C1orf87: variants seen among roughly 807,000 people sequenced by gnomAD.
C1orf87 encodes chromosome 1 open reading frame 87, also known as uncharacterized protein C1orf87.
C1orf87 carries 58 observed loss-of-function variants against 60.5 expected under a neutral mutation model. The ratio of observed to expected loss-of-function variants is 0.96; its 90% CI spans 0.78 to 1.19. The LOEUF is 1.19. Ranked by LOEUF, C1orf87 falls within the 50% of genes most tolerant of loss-of-function variation. The pLI is 0.00. For synonymous variants in C1orf87, 236 were observed against 227.4 expected, an observed-to-expected ratio of 1.04 and a Z score of -0.34; for missense variants, 673 against 638.6, an observed-to-expected ratio of 1.05 and a Z score of -0.58.
At chr1:60,010,050 T>C (rs1403763015) in intron 9 of C1orf87, among the ~76,000 whole-genome samples, 1 of 150,592 alleles carries the variant, frequency 6.6e-6, no homozygotes, top group African/African-American at 2.4e-5. Context: ...GTGGAATAAA[T>C]ACCTAGCTAT....
Position 60,055,330 on chromosome 1 carries a change from A to C in C1orf87, c.216T>G (p.Thr72=). The C allele has an allele frequency of 6.2e-7, 1 of 1,614,054 alleles. No individual in the cohort carries two copies. Among genetic ancestry groups the C allele is most frequent in the Non-Finnish European group, 8.5e-7 (1 of 1,179,976 alleles). The part of the protein sequence containing the change: ...SRDTPVPINF[T]DQQTTDNPDD... Reference sequence around the variant, plus strand: ...CTGGATTATCAGTGGTTTGCTGATCAGTGAAGTTAATGGGAACTGGGGTGT... The same window carrying C: ...CTGGATTATCAGTGGTTTGCTGATCCGTGAAGTTAATGGGAACTGGGGTGT... Residue 72 remains threonine, a synonymous_variant, in exon 3 of 12, where the codon ACT becomes ACG. Transcript: ENST00000371201.
At chr1:60,038,975 T>A (rs968178021) in intron 5 of C1orf87, among the ~76,000 whole-genome samples, 2 of 152,194 alleles carry the variant, frequency 1.3e-5, no homozygotes, top group African/African-American at 4.8e-5. Flanking sequence ...TGAATATTCA[T>A]ATGGGTTGCA....
chr1:60,042,416 C>G (rs1191893722), intron 3 of C1orf87, among the ~76,000 whole-genome samples: 1 of 152,102 alleles, frequency 6.6e-6, no homozygotes, highest in Non-Finnish European at 1.5e-5. Flanking sequence ...CAGAAGGATT[C>G]TCTATAAACT....
chr1:60,047,429 CT>C (rs1645380505), intron 3 of C1orf87, among the ~76,000 whole-genome samples: 1 of 152,028 alleles, frequency 6.6e-6, no homozygotes, highest in African/African-American at 2.4e-5. Flanking sequence ...GATCCTGAGT[CT>C]TTTTTGACCA....
At chr1:60,032,872 T>C (rs1051430224) in intron 7 of C1orf87, among the ~76,000 whole-genome samples, 5 of 152,184 alleles carry the variant, frequency 3.3e-5, no homozygotes, top group Admixed American at 3.3e-4. Flanking sequence ...GCTTGGCACT[T>C]AGTAAAAGTG....
intron 2 of C1orf87, among the ~76,000 whole-genome samples, chr1:60,062,665 G>A (rs623415): frequency 0.39 from 59,700 of 151,946 alleles, 12,244 homozygotes; most frequent in South Asian, 0.48. Context: ...TTATTGAAAT[G>A]AGGCTGTTCA....
chr1:60,065,908 TA>T (rs148561679), intron 2 of C1orf87, among the ~76,000 whole-genome samples: 1,892 of 152,214 alleles, frequency 0.012, 52 homozygotes, highest in African/African-American at 0.044. Flanking sequence ...ATAAAGCAAA[TA>T]TCACAATAAA....
rs200532977 is a variant in C1orf87 at position 60,035,447 on chromosome 1, T to C, written c.864-1806A>G. ...AGGAGATGAGAGCTGTTGCCACCCC[T>C]ACTGCCACTGGCAATGCTGGAACCT... On this transcript the variant is annotated intron_variant, in intron 6 of 11. Transcript: ENST00000371201. Among the ~76,000 whole-genome samples, 8 of 152,204 alleles carry C rather than the reference T, an allele frequency of 5.3e-5. No individual in the cohort carries two copies. The East Asian group carries it at 1.5e-3, about 29-fold the overall frequency.
At chr1:60,061,375 A>T (rs1371383901) in intron 2 of C1orf87, among the ~76,000 whole-genome samples, 1 of 152,202 alleles carries the variant, frequency 6.6e-6, no homozygotes, top group East Asian at 1.9e-4. Context: ...CTAATCTCTT[A>T]AAAAAATTTC....
At chr1:60,012,322 G>A (rs1324400272) in intron 8 of C1orf87, among the ~76,000 whole-genome samples, 4 of 152,120 alleles carry the variant, frequency 2.6e-5, no homozygotes, top group Non-Finnish European at 4.4e-5. Flanking sequence ...ATGAGATAAC[G>A]CCTCTGGATA....
intron 9 of C1orf87, among the ~76,000 whole-genome samples, chr1:60,009,637 C>T (rs531226819): frequency 3.5e-4 from 52 of 147,736 alleles, no homozygotes; most frequent in Admixed American, 4.8e-4. Context: ...CACACACACA[C>T]GCACACACAC....
intron 3 of C1orf87, among the ~76,000 whole-genome samples, chr1:60,041,352 A>G (rs989158443): frequency 6.6e-6 from 1 of 152,208 alleles, no homozygotes; most frequent in African/African-American, 2.4e-5. Context: ...TGTTAGATAA[A>G]TATATTCACA....
intron 10 of C1orf87, among the ~76,000 whole-genome samples, chr1:60,000,048 C>A (rs1644992034): frequency 6.6e-6 from 1 of 152,092 alleles, no homozygotes; most frequent in South Asian, 2.1e-4. Context: ...ACCAGAGATC[C>A]AGAGGTTGAG....
intron 2 of C1orf87, among the ~76,000 whole-genome samples, chr1:60,067,850 T>A (rs1645558864): frequency 6.6e-6 from 1 of 152,096 alleles, no homozygotes; most frequent in Non-Finnish European, 1.5e-5. Flanking sequence ...GTTTTTTTGG[T>A]TTTATGTTTT....
intron 10 of C1orf87, among the ~76,000 whole-genome samples, chr1:59,998,230 T>C (rs953144323): frequency 6.6e-6 from 1 of 152,144 alleles, no homozygotes; most frequent in African/African-American, 2.4e-5. Context: ...CAAAAGATGA[T>C]CGAAACAATA....
intron 3 of C1orf87, among the ~76,000 whole-genome samples, chr1:60,048,286 C>T (rs772267124): frequency 2.0e-5 from 3 of 152,202 alleles, no homozygotes; most frequent in Non-Finnish European, 4.4e-5. Context: ...CAGGAGGCCT[C>T]TGTCAATAGC....
At chr1:60,046,595 C>A (rs1243198335) in intron 3 of C1orf87, among the ~76,000 whole-genome samples, 1 of 151,788 alleles carries the variant, frequency 6.6e-6, no homozygotes, top group Non-Finnish European at 1.5e-5. Context: ...CACACCACCA[C>A]ACCCAGCTAA....
At chr1:60,060,918 A>T (rs1235303160) in intron 2 of C1orf87, among the ~76,000 whole-genome samples, 1 of 152,188 alleles carries the variant, frequency 6.6e-6, no homozygotes, top group Non-Finnish European at 1.5e-5. Context: ...TTGAAATGTA[A>T]TGTCTTTTGC....
At chr1:60,002,993 A>G (rs1645018158) in intron 9 of C1orf87, among the ~76,000 whole-genome samples, 1 of 151,832 alleles carries the variant, frequency 6.6e-6, no homozygotes, top group Non-Finnish European at 1.5e-5. Flanking sequence ...AGGACTATGA[A>G]TCATGCTGCT....
Sources: gnomAD v4.1 joint callset for allele counts (sites outside exome capture counted in the v4.1 genomes callset) on GRCh38, gnomAD v4.1.1 for gene constraint, MANE v1.5 for transcripts, NCBI Gene and HGNC (gene_info 2026-07-23, HGNC 2026-07-21) for gene names.